The following CCDC13 variants were observed in gnomAD, a reference collection of about 807,000 sequenced individuals.
CCDC13 encodes the protein coiled-coil domain-containing protein 13.
A neutral mutation model predicts 87.3 loss-of-function variants in CCDC13; 70 were observed. The ratio of observed to expected loss-of-function variants is 0.80; its 90% CI spans 0.66 to 0.98. The LOEUF (loss-of-function observed/expected upper bound fraction) is 0.98. Among genes scored for constraint, CCDC13 ranks in the 50% least tolerant of loss-of-function variants. The probability of loss-of-function intolerance (pLI) is 0.00; values close to 1 mark genes in which losing one functional copy is unlikely to be tolerated. For synonymous variants in CCDC13, 317 were observed against 360.3 expected, an observed-to-expected ratio of 0.88 and a Z score of 1.36; for missense variants, 842 against 892.0, an observed-to-expected ratio of 0.94 and a Z score of 0.71.
At chr3:42,717,054 A>G (rs1021604505) in intron 13 of CCDC13, among the ~76,000 whole-genome samples, 55 of 152,254 alleles carry the variant, frequency 3.6e-4, no homozygotes, top group Admixed American at 3.5e-3. Flanking sequence ...TGTGCCAAGT[A>G]AAATAAGCCA....
chr3:42,757,292 G>T (rs1699725754), intron 2 of CCDC13, 78 bp from the exon 3 acceptor site: 1 of 1,392,850 alleles, frequency 7.2e-7, no homozygotes, highest in Non-Finnish European at 9.8e-7. Flanking sequence ...CACTGCCTAG[G>T]TGGACAGATG....
At chr3:42,759,193 C>T (rs944503766) in intron 1 of CCDC13, among the ~76,000 whole-genome samples, 3 of 151,898 alleles carry the variant, frequency 2.0e-5, no homozygotes, top group African/African-American at 7.3e-5. Context: ...CCTGTAGTCC[C>T]AGCTACTTAG....
chr3:42,759,328 T>C (rs1444628124), intron 1 of CCDC13, among the ~76,000 whole-genome samples: 2 of 151,780 alleles, frequency 1.3e-5, no homozygotes, highest in Admixed American at 6.6e-5. Flanking sequence ...AAAACACAAA[T>C]TTTATGTGTA....
Position 42,706,022 on chromosome 3 carries a change from C to G in CCDC13, c.*2958G>C, listed in dbSNP as rs145095412. The G allele has an allele frequency of 6.6e-6, 1 of 152,376 alleles. No individual in the cohort carries two copies. The highest frequency in any genetic ancestry group is 6.5e-5 in the Admixed American group (1 of 15,276). The allele number at this position is 152,376 out of a possible 1,614,324, so 9.4% of individuals were successfully genotyped here. A position where few individuals can be genotyped will look rare whatever the true frequency, so the allele number is the denominator to read the frequency against. ...GGGGAAGCCCTGTGGTGCTGCAGCCCGGTCCTGCATCCTTCCCCACCCAGC... is the reference window on the plus strand; with the variant it reads ...GGGGAAGCCCTGTGGTGCTGCAGCCGGGTCCTGCATCCTTCCCCACCCAGC... On this transcript the variant is annotated 3_prime_UTR_variant, in exon 16 of 16. Transcript: ENST00000310232.
chr3:42,747,838 C>A (rs114102606), intron 5 of CCDC13, among the ~76,000 whole-genome samples: 1 of 152,208 alleles, frequency 6.6e-6, no homozygotes, highest in African/African-American at 2.4e-5. Context: ...CCACGTTATT[C>A]CCCGAAGGCA....
chr3:42,708,840 TA>T lies in CCDC13; in HGVS notation c.*139del. 1 of 866,238 alleles carries T rather than the reference TA, an allele frequency of 1.2e-6. No individual in the cohort carries two copies. The highest frequency in any genetic ancestry group is 1.7e-6 in the Non-Finnish European group (1 of 578,794). The allele number at this position is 866,238 out of a possible 1,614,324, so 53.7% of individuals were successfully genotyped here. A position where few individuals can be genotyped will look rare whatever the true frequency, so the allele number is the denominator to read the frequency against. ...CTGAGACATTGGTTTTGGTCATCCT[TA>T]AGGAGCCTCTTCTGGTAGAAGTGGT... is the stretch of plus-strand genomic sequence containing the variant. On this transcript the variant is annotated 3_prime_UTR_variant, in exon 16 of 16. Coordinates refer to ENST00000310232, the MANE Select transcript of CCDC13 (RefSeq NM_144719.4).
chr3:42,757,243 C>T (rs778006008), intron 2 of CCDC13, 29 bp from the exon 3 acceptor site: 2 of 1,603,646 alleles, frequency 1.2e-6, no homozygotes, highest in South Asian at 2.2e-5. Flanking sequence ...ATTAATGCTC[C>T]TCCAAGGCAA....
rs189587155 is a variant in CCDC13 at position 42,707,765 on chromosome 3, C to T, written c.*1215G>A. Reference sequence around the variant, plus strand: ...GCACACATGGAGGTGCCTGTGTGCACGTACAGTTGCATGCTCCTGAATTGA... The same window carrying T: ...GCACACATGGAGGTGCCTGTGTGCATGTACAGTTGCATGCTCCTGAATTGA... On this transcript the variant is annotated 3_prime_UTR_variant, in exon 16 of 16. Coordinates refer to ENST00000310232, the MANE Select transcript of CCDC13 (RefSeq NM_144719.4). 1.3e-5 allele frequency among the ~76,000 whole-genome samples: 2 copies of T among 152,306 alleles called. No homozygotes were observed. The highest frequency in any genetic ancestry group is 6.5e-5 in the Admixed American group (1 of 15,302).
At chr3:42,768,235 A>C (rs1699973013) in intron 1 of CCDC13, among the ~76,000 whole-genome samples, 1 of 152,194 alleles carries the variant, frequency 6.6e-6, no homozygotes, top group African/African-American at 2.4e-5. Flanking sequence ...CTGAAATGTA[A>C]ACTGCAAAAC....
intron 1 of CCDC13, among the ~76,000 whole-genome samples, chr3:42,765,916 T>C (rs982009822): frequency 1.3e-5 from 2 of 152,218 alleles, no homozygotes; most frequent in Non-Finnish European, 2.9e-5. Flanking sequence ...GACTTTATCC[T>C]GAGGCGCTGG....
chr3:42,706,816 T>A lies in CCDC13; in HGVS notation c.*2164A>T, dbSNP rs2125864333. 6.6e-6 allele frequency: 1 copy of A among 152,292 alleles called. No homozygotes were observed. Among genetic ancestry groups the A allele is most frequent in the East Asian group, 1.9e-4 (1 of 5,186 alleles). The allele number at this position is 152,292 out of a possible 1,614,324, so 9.4% of individuals were successfully genotyped here. Reference sequence around the variant, plus strand: ...GGTTATTCTTTGACATACATATTAATAACAGCCCCCTGAGGGAGGATTCTA... The same window carrying A: ...GGTTATTCTTTGACATACATATTAAAAACAGCCCCCTGAGGGAGGATTCTA... On this transcript the variant is annotated 3_prime_UTR_variant, in exon 16 of 16. Transcript: ENST00000310232.
chr3:42,756,629 T>C (rs1208213562), intron 3 of CCDC13, among the ~76,000 whole-genome samples: 1 of 151,916 alleles, frequency 6.6e-6, no homozygotes, highest in Admixed American at 6.5e-5. Context: ...TGCCCAGGGT[T>C]CAGTGCAGTG....
rs769351825 is a variant in CCDC13 at position 42,709,139 on chromosome 3, C to A, written c.1989G>T (p.Arg663Ser). ...VESQMEELTT[R>S]LAIQVEENEM... ...CATTCTCCTCCACCTGGATGGCCAG[C>A]CTGGACCACAGGAGACAGTGCTCAG... is the stretch of plus-strand genomic sequence containing the variant. Residue 663 changes from arginine to serine, a missense_variant and splice_region_variant, in exon 16 of 16, where the codon AGG becomes AGT. By Grantham distance (110) the Arg-to-Ser change is moderately radical. Transcript: ENST00000310232. 1 of 1,609,194 alleles carries A rather than the reference C, an allele frequency of 6.2e-7. No homozygotes were observed. The highest frequency in any genetic ancestry group is 1.1e-5 in the South Asian group (1 of 90,210).
At chr3:42,747,630 G>A (rs1699450274) in intron 5 of CCDC13, among the ~76,000 whole-genome samples, 1 of 152,186 alleles carries the variant, frequency 6.6e-6, no homozygotes, top group Non-Finnish European at 1.5e-5. Flanking sequence ...TTTGAATCCT[G>A]GCAGCTTAAC....
At chr3:42,752,125 G>T in intron 4 of CCDC13, 100 bp from the exon 5 acceptor site, 1 of 1,028,942 alleles carries the variant, frequency 9.7e-7, no homozygotes, top group South Asian at 1.4e-5. Flanking sequence ...TATCTTGGTG[G>T]TGTGTCCTTT....
chr3:42,724,704 T>C (rs1309742195), intron 13 of CCDC13, among the ~76,000 whole-genome samples: 3 of 152,244 alleles, frequency 2.0e-5, no homozygotes, highest in South Asian at 2.1e-4. Context: ...TTTCATTGTA[T>C]TTCAAGAGTC....
At chr3:42,733,191 G>C (rs1698888599) in intron 11 of CCDC13, among the ~76,000 whole-genome samples, 1 of 152,250 alleles carries the variant, frequency 6.6e-6, no homozygotes, top group Non-Finnish European at 1.5e-5. Context: ...GGGTCTGTTT[G>C]AAGGCCCCAG....
chr3:42,742,767 G>T, intron 8 of CCDC13, 129 bp downstream of exon 8: 2 of 1,161,000 alleles, frequency 1.7e-6, no homozygotes, highest in East Asian at 4.8e-5. Context: ...GGTGACCCAG[G>T]TCCCCAGGTG....
At chr3:42,744,104 CG>C (rs1165656687) in intron 7 of CCDC13, among the ~76,000 whole-genome samples, 3 of 152,124 alleles carry the variant, frequency 2.0e-5, no homozygotes, top group African/African-American at 7.2e-5. Flanking sequence ...ACAGTTCTAG[CG>C]GAAGGGACAT....
Sources: gnomAD v4.1 joint callset for allele counts (sites outside exome capture counted in the v4.1 genomes callset) on GRCh38, gnomAD v4.1.1 for gene constraint, MANE v1.5 for transcripts, NCBI Gene and HGNC (gene_info 2026-07-23, HGNC 2026-07-21) for gene names.